Variants in NMNAT2 observed in about 807,000 individuals in gnomAD.
The protein encoded by NMNAT2 is nicotinamide nucleotide adenylyltransferase 2, also known as nicotinamide/nicotinic acid mononucleotide adenylyltransferase 2.
A neutral mutation model predicts 41.6 loss-of-function variants in NMNAT2; 11 were observed. The ratio of observed to expected loss-of-function variants is 0.26; its 90% CI spans 0.17 to 0.44. The LOEUF (loss-of-function observed/expected upper bound fraction) is 0.44, where lower values mean the gene tolerates loss of function less well. NMNAT2 is among the 20% of genes least tolerant of loss of function. NMNAT2 has a pLI of 1.00. For missense variants in NMNAT2, 288 were observed against 407.7 expected (o/e 0.71, Z 2.53); for synonymous variants, 148 against 151.2 (o/e 0.98, Z 0.16).
intron 1 of NMNAT2, among the ~76,000 whole-genome samples, chr1:183,406,000 C>T (rs1208142477): frequency 6.6e-6 from 1 of 152,142 alleles, no homozygotes; most frequent in African/African-American, 2.4e-5. Context: ...GCAGTTAGTC[C>T]ACCAAATGAC....
At chr1:183,264,678 G>A (rs548040627) in intron 8 of NMNAT2, among the ~76,000 whole-genome samples, 132 of 152,150 alleles carry the variant, frequency 8.7e-4, no homozygotes, top group Non-Finnish European at 1.7e-3. Context: ...CGGTATTTGC[G>A]TGTGTGCATG....
At position 183,252,557 on chromosome 1, in the gene NMNAT2, A is replaced by C. The variant is rs1351940493; in HGVS notation, c.*84T>G. The stretch of plus-strand genomic sequence containing the variant: ...AGTAGGGAAAACAGTCAAGACGAGG[A>C]GATGGAGAAACAGAGAGGCAGGAGA... On this transcript the variant is annotated 3_prime_UTR_variant, in exon 11 of 11. Coordinates refer to ENST00000287713, the MANE Select transcript of NMNAT2 (RefSeq NM_015039.4). 6.2e-6 allele frequency: 6 copies of C among 974,960 alleles called. No individual in the cohort carries two copies. Among genetic ancestry groups the C allele is most frequent in the Non-Finnish European group, 1.0e-5 (6 of 598,316 alleles). The allele number at this position is 974,960 out of a possible 1,614,324, so 60.4% of individuals were successfully genotyped here. A position where few individuals can be genotyped will look rare whatever the true frequency, so the allele number is the denominator to read the frequency against.
intron 1 of NMNAT2, among the ~76,000 whole-genome samples, chr1:183,319,455 C>G (rs902284949): frequency 6.6e-6 from 1 of 152,206 alleles, no homozygotes; most frequent in African/African-American, 2.4e-5. Context: ...CCAATGTTCT[C>G]GAGGTTGAGC....
chr1:183,402,860 T>G (rs1294333525), intron 1 of NMNAT2, among the ~76,000 whole-genome samples: 1 of 149,096 alleles, frequency 6.7e-6, no homozygotes, highest in Non-Finnish European at 1.5e-5. Flanking sequence ...TTGGGTTTTC[T>G]TTCCTCTTTC....
At position 183,252,587 on chromosome 1, in the gene NMNAT2, CAGG is replaced by C. The variant is rs1660418696; in HGVS notation, c.*51_*53del. On this transcript the variant is annotated 3_prime_UTR_variant, in exon 11 of 11. Coordinates refer to ENST00000287713, the MANE Select transcript of NMNAT2 (RefSeq NM_015039.4). The stretch of plus-strand genomic sequence containing the variant: ...GAGAAACAGAGAGGCAGGAGAGAAA[CAGG>C]GGGCTGACAAAGATGGAGGGGCCAT... The C allele has an allele frequency of 1.4e-5, 17 of 1,227,778 alleles. No individual in the cohort carries two copies. The South Asian group carries it at 2.0e-4, about 15-fold the overall frequency. The allele number at this position is 1,227,778 out of a possible 1,614,324, so 76.1% of individuals were successfully genotyped here.
chr1:183,389,612 T>A (rs1339444543), intron 1 of NMNAT2, among the ~76,000 whole-genome samples: 1 of 151,396 alleles, frequency 6.6e-6, no homozygotes, highest in Non-Finnish European at 1.5e-5. Flanking sequence ...GGCACATGCC[T>A]GTAGTCCCAG....
chr1:183,302,645 T>G (rs952817748), intron 1 of NMNAT2, among the ~76,000 whole-genome samples: 3 of 152,056 alleles, frequency 2.0e-5, no homozygotes, highest in Admixed American at 6.5e-5. Flanking sequence ...GCTCTCACAC[T>G]CAGGGCCACT....
chr1:183,273,294 T>G (rs370515121), intron 8 of NMNAT2, among the ~76,000 whole-genome samples: 2 of 152,256 alleles, frequency 1.3e-5, no homozygotes, highest in African/African-American at 4.8e-5. Flanking sequence ...TAAATGTAAT[T>G]CAGCTGAAGT....
chr1:183,382,025 A>G (rs1426992575), intron 1 of NMNAT2, among the ~76,000 whole-genome samples: 1 of 152,244 alleles, frequency 6.6e-6, no homozygotes, highest in Admixed American at 6.5e-5. Flanking sequence ...ACATTGTTAT[A>G]AAGAACTACC....
chr1:183,392,438 T>C (rs1383605164), intron 1 of NMNAT2, among the ~76,000 whole-genome samples: 1 of 152,264 alleles, frequency 6.6e-6, no homozygotes, highest in East Asian at 1.9e-4. Context: ...CTAGTTCCCC[T>C]GTTGCTATTC....
At chr1:183,304,751 G>T (rs1386200138) in intron 1 of NMNAT2, 22 of 1,613,746 alleles carry the variant, frequency 1.4e-5, no homozygotes, top group Non-Finnish European at 1.6e-5. Flanking sequence ...TATTTGTCTG[G>T]TTTTTGCAGC....
intron 1 of NMNAT2, among the ~76,000 whole-genome samples, chr1:183,317,726 C>T (rs1002718544): frequency 6.6e-6 from 1 of 152,184 alleles, no homozygotes; most frequent in African/African-American, 2.4e-5. Context: ...CAGAGACTGC[C>T]TAAGATAACC....
chr1:183,328,583 G>A (rs1353088978), intron 1 of NMNAT2, among the ~76,000 whole-genome samples: 2 of 152,194 alleles, frequency 1.3e-5, no homozygotes, highest in Non-Finnish European at 2.9e-5. Flanking sequence ...CAGGCTTGGT[G>A]TCAGGAGCTA....
intron 4 of NMNAT2, among the ~76,000 whole-genome samples, chr1:183,289,676 GC>G (rs745570967): frequency 3.9e-4 from 60 of 152,208 alleles, no homozygotes; most frequent in Non-Finnish European, 7.8e-4. Flanking sequence ...AGCCACAGCA[GC>G]CTGTCCTGGA....
chr1:183,379,259 C>G (rs1222228220), intron 1 of NMNAT2, among the ~76,000 whole-genome samples: 1 of 152,096 alleles, frequency 6.6e-6, no homozygotes, highest in East Asian at 1.9e-4. Context: ...TGGCTTATTG[C>G]AGCCTCAACC....
chr1:183,388,798 G>A (rs891491149), intron 1 of NMNAT2, among the ~76,000 whole-genome samples: 5 of 152,142 alleles, frequency 3.3e-5, no homozygotes, highest in Non-Finnish European at 4.4e-5. Flanking sequence ...GTTTATCGAT[G>A]TATTTCTGGT....
chr1:183,309,476 C>T (rs1048707028), intron 1 of NMNAT2, among the ~76,000 whole-genome samples: 5 of 152,172 alleles, frequency 3.3e-5, no homozygotes, highest in Non-Finnish European at 7.3e-5. Context: ...ATGTCACTCA[C>T]TCTGAATTAG....
In NMNAT2 at chr1:183,252,592, G is replaced by A. The variant is rs759646375; in HGVS notation, c.*49C>T. On this transcript the variant is annotated 3_prime_UTR_variant, in exon 11 of 11. Coordinates refer to ENST00000287713, the MANE Select transcript of NMNAT2 (RefSeq NM_015039.4). ...ACAGAGAGGCAGGAGAGAAACAGGG[G>A]GCTGACAAAGATGGAGGGGCCATTG... 1 of 1,249,326 alleles carries A rather than the reference G, an allele frequency of 8.0e-7. No homozygotes were observed. The highest frequency in any genetic ancestry group is 1.2e-5 in the South Asian group (1 of 83,856). The allele number at this position is 1,249,326 out of a possible 1,614,324, so 77.4% of individuals were successfully genotyped here.
At chr1:183,382,934 G>A (rs903941801) in intron 1 of NMNAT2, among the ~76,000 whole-genome samples, 1 of 152,032 alleles carries the variant, frequency 6.6e-6, no homozygotes, top group Non-Finnish European at 1.5e-5. Flanking sequence ...TGCCCAAGTA[G>A]CGACTCTGTG....
Sources: allele counts gnomAD v4.1 joint callset (sites outside exome capture counted in the v4.1 genomes callset), GRCh38; gene constraint gnomAD v4.1.1; transcripts MANE v1.5; gene names NCBI Gene and HGNC (gene_info 2026-07-23, HGNC 2026-07-21).